The following KDM4A variants were observed in gnomAD, a reference collection of about 807,000 sequenced individuals.
KDM4A encodes lysine-specific demethylase 4A.
A neutral mutation model predicts 127.1 loss-of-function variants in KDM4A; 23 were observed. The ratio of observed to expected loss-of-function variants is 0.18; its 90% CI spans 0.13 to 0.26. KDM4A has a LOEUF of 0.26. Ranked by LOEUF, KDM4A falls within the 10% of genes least tolerant of loss-of-function variation. The probability of loss-of-function intolerance (pLI) is 1.00; values close to 1 mark genes in which losing one functional copy is unlikely to be tolerated. For missense variants in KDM4A, 890 were observed against 1,329.1 expected (o/e 0.67, Z 5.14); for synonymous variants, 443 against 466.5 (o/e 0.95, Z 0.65).
chr1:43,694,609 C>A lies in KDM4A; in HGVS notation c.2485-100C>A. 2 of 998,360 alleles carry A rather than the reference C, an allele frequency of 2.0e-6. No homozygotes were observed. The highest frequency in any genetic ancestry group is 3.0e-6 in the Non-Finnish European group (2 of 660,876). 61.8% of individuals were successfully genotyped at this position (998,360 alleles called of 1,614,324 possible). A position where few individuals can be genotyped will look rare whatever the true frequency, so the allele number is the denominator to read the frequency against. The stretch of plus-strand genomic sequence containing the variant: ...TGTGTCCTTGTATTTTGGGAAGGGG[C>A]TGGCTCTTGCTTGCTTGGCTTTGCA... On this transcript the variant is annotated intron_variant, in intron 17 of 21. Coordinates refer to ENST00000372396, the MANE Select transcript of KDM4A (RefSeq NM_014663.3). This position sits in a 1 kb window ranked among gnomAD's most constrained non-coding sequence, Gnocchi z 5.2.
chr1:43,663,961 C>G (rs1358720392), intron 5 of KDM4A, among the ~76,000 whole-genome samples: 5 of 152,118 alleles, frequency 3.3e-5, no homozygotes, highest in African/African-American at 9.7e-5. Flanking sequence ...GAAGGTGCTG[C>G]AGATAACAGC....
Position 43,658,502 on chromosome 1 carries a change from A to AT in KDM4A, c.315-1777dup, listed in dbSNP as rs10686056. 9.8e-3 allele frequency among the ~76,000 whole-genome samples: 1,297 copies of AT among 131,778 alleles called. 46 individuals are homozygous for AT. The highest frequency in any genetic ancestry group is 0.026 in the African/African-American group (896 of 34,158). 86.5% of individuals were successfully genotyped at this position (131,778 alleles called of 152,430 possible). A position where few individuals can be genotyped will look rare whatever the true frequency, so the allele number is the denominator to read the frequency against. On this transcript the variant is annotated intron_variant, in intron 3 of 21. Transcript: ENST00000372396. ...AAGTGTAAGGCAGTTACTTAGTCAG[A>AT]TTTTTTTTTTTTTTTTTTTGAGATG...
chr1:43,675,525 C>T (rs756518873), intron 11 of KDM4A, among the ~76,000 whole-genome samples: 1 of 152,172 alleles, frequency 6.6e-6, no homozygotes, highest in Non-Finnish European at 1.5e-5. Flanking sequence ...GTTCTAAATG[C>T]TCATGATAAC....
chr1:43,663,735 T>C (rs1296517238), intron 5 of KDM4A, among the ~76,000 whole-genome samples: 1 of 152,102 alleles, frequency 6.6e-6, no homozygotes, highest in Non-Finnish European at 1.5e-5. Context: ...GTGATCCTTC[T>C]ACTTCAGCCT....
chr1:43,705,269 G>A lies in KDM4A; in HGVS notation c.*899G>A, dbSNP rs1033724938. On this transcript the variant is annotated 3_prime_UTR_variant, in exon 22 of 22. Transcript: ENST00000372396. Reference sequence around the variant, plus strand: ...GCCATTGGAGGCCCACTGTAGGTGGGAGGGAGCTGATTTTGGGGTGGGGGG... The same window carrying A: ...GCCATTGGAGGCCCACTGTAGGTGGAAGGGAGCTGATTTTGGGGTGGGGGG... The A allele has an allele frequency of 2.6e-5, 3 of 117,346 alleles. No homozygotes were observed. The highest frequency in any genetic ancestry group is 9.8e-5 in the African/African-American group (3 of 30,758). The allele number at this position is 117,346 out of a possible 1,614,324, so 7.3% of individuals were successfully genotyped here. A position where few individuals can be genotyped will look rare whatever the true frequency, so the allele number is the denominator to read the frequency against.
In KDM4A at chr1:43,703,567, T is replaced by C. The variant is rs755782636; in HGVS notation, c.2842-50T>C. ...TCCCTGAGTAGAGGACAGTTACCTT[T>C]GTGTGCAGGTGGACGTTCCTTTCAC... On this transcript the variant is annotated intron_variant, in intron 19 of 21. Coordinates refer to ENST00000372396, the MANE Select transcript of KDM4A (RefSeq NM_014663.3). The C allele has an allele frequency of 1.9e-6, 3 of 1,608,174 alleles. No homozygotes were observed. In the East Asian group the frequency reaches 6.7e-5, roughly 36 times the overall value.
intron 13 of KDM4A, chr1:43,690,491 A>C (rs895857766): frequency 2.9e-6 from 1 of 348,340 alleles, no homozygotes; most frequent in Non-Finnish European, 5.5e-6. Context: ...CTGGTGATCC[A>C]CCCGCCTCGG....
intron 7 of KDM4A, 147 bp from the exon 8 acceptor site, chr1:43,666,807 G>T (rs1236449183): frequency 1.3e-6 from 1 of 764,746 alleles, no homozygotes; most frequent in South Asian, 1.7e-5. Context: ...ATATGTCTGG[G>T]CTTTGCATTT....
At chr1:43,696,998 G>A (rs1213833782) in intron 18 of KDM4A, among the ~76,000 whole-genome samples, 1 of 152,246 alleles carries the variant, frequency 6.6e-6, no homozygotes, top group Non-Finnish European at 1.5e-5. Context: ...CAGATGGTGA[G>A]AAGTGCAGGG....
chr1:43,671,626 A>T lies in KDM4A; in HGVS notation c.1485A>T (p.Val495=), dbSNP rs183975839. The T allele has an allele frequency of 6.2e-7, 1 of 1,613,720 alleles. No homozygotes were observed. Among genetic ancestry groups the T allele is most frequent in the African/African-American group, 1.3e-5 (1 of 75,048 alleles). The change falls in exon 11 of 22, where the codon GTA becomes GTT. Residue 495 remains valine (V), a synonymous_variant. Transcript: ENST00000372396. The part of the protein sequence containing the change: ...ALDLSVNPAS[V]GGRLVFSGSK... The stretch of plus-strand genomic sequence containing the variant: ...ATCTTTCTGTGAATCCTGCGTCTGT[A>T]GGGGGACGCCTTGTCTTCTCAGGCT...
At position 43,688,277 on chromosome 1, in the gene KDM4A, T is replaced by C. The variant is rs527315636; in HGVS notation, c.1856-637T>C. Among the ~76,000 whole-genome samples the C allele has an allele frequency of 4.3e-4, 65 of 152,316 alleles. No individual in the cohort carries two copies. Among genetic ancestry groups the C allele is most frequent in the African/African-American group, 1.6e-3 (65 of 41,556 alleles). On this transcript the variant is annotated intron_variant, in intron 12 of 21. Transcript: ENST00000372396. This position sits in a 1 kb window ranked among gnomAD's most constrained non-coding sequence, Gnocchi z 4.4. ...GGGCTGGATTCAGCCTGCAGGATATTGTTTGCCAGCGTCAGGCATCACATC... is the reference window on the plus strand; with the variant it reads ...GGGCTGGATTCAGCCTGCAGGATATCGTTTGCCAGCGTCAGGCATCACATC...
chr1:43,653,108 T>G, intron 1 of KDM4A, 29 bp from the exon 2 acceptor site: 1 of 1,171,098 alleles, frequency 8.5e-7, no homozygotes, highest in South Asian at 2.1e-5. Context: ...ATTTTTATAT[T>G]ATTTTATACT....
chr1:43,662,006 G>A (rs1660394131), intron 4 of KDM4A, among the ~76,000 whole-genome samples: 1 of 152,128 alleles, frequency 6.6e-6, no homozygotes, highest in Non-Finnish European at 1.5e-5. Context: ...GGATCCTCCT[G>A]CTTCACCCTC....
intron 11 of KDM4A, among the ~76,000 whole-genome samples, chr1:43,673,426 G>C (rs1342672621): frequency 6.6e-6 from 1 of 152,050 alleles, no homozygotes; most frequent in African/African-American, 2.4e-5. Context: ...TTTGCTTTCT[G>C]TTTTCTTTGG....
At chr1:43,658,652 C>T (rs784026) in intron 3 of KDM4A, among the ~76,000 whole-genome samples, 3,996 of 151,592 alleles carry the variant, frequency 0.026, 180 homozygotes, top group African/African-American at 0.092. Context: ...TATAGGCGCC[C>T]GCCACACCAC....
At chr1:43,671,967 G>A (rs1322913975) in intron 11 of KDM4A, 92 bp downstream of exon 11, 6 of 1,407,138 alleles carry the variant, frequency 4.3e-6, no homozygotes, top group Non-Finnish European at 5.6e-6. Context: ...AGGTGGATCT[G>A]TGTGATGGAG....
At chr1:43,661,570 C>G (rs1046312126) in intron 4 of KDM4A, among the ~76,000 whole-genome samples, 1 of 127,812 alleles carries the variant, frequency 7.8e-6, no homozygotes, top group African/African-American at 3.0e-5. Flanking sequence ...GATTGCACCA[C>G]TGCACTCCAG....
intron 18 of KDM4A, among the ~76,000 whole-genome samples, chr1:43,696,466 T>C (rs572173886): frequency 3.9e-5 from 6 of 152,340 alleles, no homozygotes; most frequent in East Asian, 1.9e-4. Flanking sequence ...AAAGTCCTGG[T>C]TGGCTGACTG....
chr1:43,671,496 G>A lies in KDM4A; in HGVS notation c.1364-9G>A, dbSNP rs1660616848. 1 of 1,542,844 alleles carries A rather than the reference G, an allele frequency of 6.5e-7. No individual in the cohort carries two copies. The highest frequency in any genetic ancestry group is 8.7e-7 in the Non-Finnish European group (1 of 1,146,336). On this transcript the variant is annotated splice_polypyrimidine_tract_variant and intron_variant, in intron 10 of 21. Coordinates refer to ENST00000372396, the MANE Select transcript of KDM4A (RefSeq NM_014663.3). ...ACTTGGCTCTGTCTAATGTGTATGTGTGTTTCAGATTATTCTGACTCCACT... is the reference window on the plus strand; with the variant it reads ...ACTTGGCTCTGTCTAATGTGTATGTATGTTTCAGATTATTCTGACTCCACT...
Sources: gnomAD v4.1 joint callset for allele counts (sites outside exome capture counted in the v4.1 genomes callset) on GRCh38, gnomAD v4.1.1 for gene constraint, Gnocchi (gnomAD v3.1) non-coding constraint, MANE v1.5 for transcripts, NCBI Gene and HGNC (gene_info 2026-07-23, HGNC 2026-07-21) for gene names.